The following PVALB variants were observed in gnomAD, a reference collection of about 807,000 sequenced individuals.
PVALB encodes parvalbumin alpha.
PVALB carries 11 observed loss-of-function variants against 10.9 expected under a neutral mutation model. The ratio of observed to expected loss-of-function variants is 1.01; its 90% CI spans 0.63 to 1.67. PVALB has a LOEUF of 1.67. PVALB is among the 40% of genes most tolerant of loss of function. The pLI is 0.00. For synonymous variants in PVALB, 57 were observed against 50.7 expected (o/e 1.12, Z -0.53); for missense variants, 131 against 136.2 (o/e 0.96, Z 0.19).
In PVALB at chr22:36,805,906, AC is replaced by A. The variant is rs531319189; in HGVS notation, c.305-4989del. Among the ~76,000 whole-genome samples, 19 of 152,304 alleles carry A rather than the reference AC, an allele frequency of 1.2e-4. No individual in the cohort carries two copies. In the South Asian group the frequency reaches 1.7e-3, roughly 13 times the overall value. ...GGAAAGCCTAAAGAGCAGCCAGCTG[AC>A]CTGGTACAAGTTTCCGACCCATCTA... is the stretch of plus-strand genomic sequence containing the variant. On this transcript the variant is annotated intron_variant, in intron 3 of 3. Transcript: ENST00000417718.
intron 1 of PVALB, among the ~76,000 whole-genome samples, chr22:36,815,867 G>A (rs1249235103): frequency 6.6e-6 from 1 of 151,988 alleles, no homozygotes; most frequent in Non-Finnish European, 1.5e-5. Context: ...GGCTTGAGGT[G>A]AAGGGAGAGG....
chr22:36,803,638 G>A (rs902191615), intron 3 of PVALB, among the ~76,000 whole-genome samples: 1 of 148,458 alleles, frequency 6.7e-6, no homozygotes, highest in Non-Finnish European at 1.5e-5. Flanking sequence ...GATGGATAAA[G>A]GGAGAGAAAG....
rs759522050 is a variant in PVALB at position 36,815,103 on chromosome 22, C to T, written c.194G>A (p.Gly65Glu). ...KSGFIEEDEL[G>E]FILKGFSPDA... ...GCAGCCCCTGCAGGCCTCCGCTTAC[C>T]CCAGCTCATCCTCCTCGATGAAGCC... The change falls in exon 2 of 4, where the codon GGA becomes GAA. Residue 65 changes from glycine (G) to glutamate (E), a missense_variant and splice_region_variant. Coordinates refer to ENST00000417718, the MANE Select transcript of PVALB (RefSeq NM_001315532.2). 6.2e-7 allele frequency: 1 copy of T among 1,614,100 alleles called. No homozygotes were observed. The highest frequency in any genetic ancestry group is 1.7e-5 in the Admixed American group (1 of 60,006).
chr22:36,806,586 T>C (rs1336927529), intron 3 of PVALB, among the ~76,000 whole-genome samples: 1 of 152,104 alleles, frequency 6.6e-6, no homozygotes, highest in Non-Finnish European at 1.5e-5. Flanking sequence ...TCCTGGTTTA[T>C]CACCTCACCT....
At chr22:36,811,988 T>C (rs1202955435) in intron 3 of PVALB, among the ~76,000 whole-genome samples, 1 of 152,136 alleles carries the variant, frequency 6.6e-6, no homozygotes, top group African/African-American at 2.4e-5. Context: ...TTCTCGTTAC[T>C]GGCAGGAAAC....
At chr22:36,807,919 T>TG (rs1206202865) in intron 3 of PVALB, among the ~76,000 whole-genome samples, 1 of 151,802 alleles carries the variant, frequency 6.6e-6, no homozygotes, top group Admixed American at 6.6e-5. Context: ...TGGCAAGGGG[T>TG]GGGGGGGTTG....
chr22:36,808,353 G>A (rs1203264917), intron 3 of PVALB, among the ~76,000 whole-genome samples: 1 of 151,856 alleles, frequency 6.6e-6, no homozygotes, highest in African/African-American at 2.4e-5. Context: ...GCGGGGGCAG[G>A]CATTGAGTTT....
chr22:36,815,982 T>A (rs1939132276), intron 1 of PVALB, among the ~76,000 whole-genome samples: 1 of 151,984 alleles, frequency 6.6e-6, no homozygotes, highest in Non-Finnish European at 1.5e-5. Flanking sequence ...ACCTGCAATT[T>A]TCTGTATCTT....
At position 36,800,781 on chromosome 22, in the gene PVALB, G is replaced by A. The variant is rs1414857796; in HGVS notation, c.*109C>T. On this transcript the variant is annotated 3_prime_UTR_variant, in exon 4 of 4. Transcript: ENST00000417718. ...TTAGAGGGCCACAGGGGATGGGGGAGTAAAAAATAACATAAACGAACTGAA... is the reference window on the plus strand; with the variant it reads ...TTAGAGGGCCACAGGGGATGGGGGAATAAAAAATAACATAAACGAACTGAA... The A allele has an allele frequency of 3.1e-6, 4 of 1,282,198 alleles. No homozygotes were observed. The highest frequency in any genetic ancestry group is 2.4e-5 in the South Asian group (2 of 84,090). The allele number at this position is 1,282,198 out of a possible 1,614,324, so 79.4% of individuals were successfully genotyped here.
At position 36,807,666 on chromosome 22, in the gene PVALB, A is replaced by G. The variant is rs118049181; in HGVS notation, c.304+5980T>C. ...CTGTAAGGTGTGTATTTTTCTCCCC[A>G]CTTTCCAGGTGTGGGAATGGATGTC... is the stretch of plus-strand genomic sequence containing the variant. On this transcript the variant is annotated intron_variant, in intron 3 of 3. Coordinates refer to ENST00000417718, the MANE Select transcript of PVALB (RefSeq NM_001315532.2). 1.6e-3 allele frequency among the ~76,000 whole-genome samples: 247 copies of G among 152,144 alleles called. 2 individuals carry two copies. In the East Asian group the frequency reaches 0.043, roughly 26 times the overall value.
At chr22:36,807,975 A>C (rs1938983088) in intron 3 of PVALB, among the ~76,000 whole-genome samples, 1 of 152,252 alleles carries the variant, frequency 6.6e-6, no homozygotes, top group African/African-American at 2.4e-5. Context: ...CAACAGAAGC[A>C]AAATGCAAAC....
chr22:36,813,829 G>A (rs536846684), intron 2 of PVALB, 74 bp from the exon 3 acceptor site: 3 of 1,169,038 alleles, frequency 2.6e-6, no homozygotes, highest in South Asian at 2.4e-5. Flanking sequence ...GATGGAGGGT[G>A]GTCTGGTTTC....
In PVALB at chr22:36,806,688, C is replaced by T. The variant is rs533083242; in HGVS notation, c.305-5770G>A. Among the ~76,000 whole-genome samples, 7 of 152,242 alleles carry T rather than the reference C, an allele frequency of 4.6e-5. No homozygotes were observed. The South Asian group carries it at 1.0e-3, about 23-fold the overall frequency. ...GGAGAACTGGGAGGCAGAGTCACTC[C>T]GGGTCAAGCCAGACAGCCACAAGGA... is the stretch of plus-strand genomic sequence containing the variant. On this transcript the variant is annotated intron_variant, in intron 3 of 3. Transcript: ENST00000417718.
chr22:36,807,821 A>G (rs1938978405), intron 3 of PVALB, among the ~76,000 whole-genome samples: 1 of 152,132 alleles, frequency 6.6e-6, no homozygotes. Context: ...CACGCCTCTC[A>G]CGGTAAATAG....
At chr22:36,816,067 G>A (rs58474074) in intron 1 of PVALB, among the ~76,000 whole-genome samples, 13,920 of 151,990 alleles carry the variant, frequency 0.092, 778 homozygotes, top group South Asian at 0.19. Context: ...GTGTGTGTGT[G>A]TGTGTGTAGG....
At position 36,815,103 on chromosome 22, in the gene PVALB, C is replaced by A. The variant is rs759522050; in HGVS notation, c.194G>T (p.Gly65Val). The A allele has an allele frequency of 1.2e-6, 2 of 1,614,100 alleles. No homozygotes were observed. Among genetic ancestry groups the A allele is most frequent in the Non-Finnish European group, 1.7e-6 (2 of 1,179,988 alleles). ...KSGFIEEDEL[G>V]FILKGFSPDA... is the part of the protein sequence containing the mutation. ...GCAGCCCCTGCAGGCCTCCGCTTAC[C>A]CCAGCTCATCCTCCTCGATGAAGCC... The change falls in exon 2 of 4, where the codon GGA becomes GTA. Residue 65 changes from glycine to valine, a missense_variant and splice_region_variant. Transcript: ENST00000417718.
intron 3 of PVALB, among the ~76,000 whole-genome samples, chr22:36,811,975 C>T (rs887987913): frequency 6.6e-6 from 1 of 152,152 alleles, no homozygotes; most frequent in Non-Finnish European, 1.5e-5. Context: ...TAGGGATTCT[C>T]CATTCTCGTT....
At position 36,813,644 on chromosome 22, in the gene PVALB, A is replaced by G; in HGVS notation, c.304+2T>C. 1 of 1,611,330 alleles carries G rather than the reference A, an allele frequency of 6.2e-7. No individual in the cohort carries two copies. The highest frequency in any genetic ancestry group is 8.5e-7 in the Non-Finnish European group (1 of 1,177,566). On this transcript the variant is annotated splice_donor_variant, in intron 3 of 3. Coordinates refer to ENST00000417718, the MANE Select transcript of PVALB (RefSeq NM_001315532.2). LOFTEE classifies it high-confidence loss of function. ...CCCAGACCCCAGGTCACGGCTACCC[A>G]CCGTCAACCCCAATTTTGCCGTCCC...
chr22:36,814,565 A>G (rs2145953946), intron 2 of PVALB, among the ~76,000 whole-genome samples: 1 of 152,164 alleles, frequency 6.6e-6, no homozygotes, highest in Non-Finnish European at 1.5e-5. Context: ...GCTTTTGCAG[A>G]TGGAGGCATG....
Sources: gnomAD v4.1 joint callset for allele counts (sites outside exome capture counted in the v4.1 genomes callset) on GRCh38, gnomAD v4.1.1 for gene constraint, MANE v1.5 for transcripts, NCBI Gene and HGNC (gene_info 2026-07-23, HGNC 2026-07-21) for gene names.